SGCZ: variants seen among roughly 807,000 people sequenced by gnomAD.
The protein encoded by SGCZ is sarcoglycan zeta.
A neutral mutation model predicts 41.3 loss-of-function variants in SGCZ; 40 were observed. The ratio of observed to expected loss-of-function variants is 0.97; its 90% CI spans 0.75 to 1.26. The LOEUF (loss-of-function observed/expected upper bound fraction) is 1.26, where lower values mean the gene tolerates loss of function less well. SGCZ is among the 50% of genes most tolerant of loss of function. SGCZ has a pLI of 0.00. For synonymous variants in SGCZ, 206 were observed against 137.5 expected (o/e 1.50, Z -3.49); for missense variants, 552 against 369.8 (o/e 1.49, Z -4.04).
chr8:15,175,530 T>C (rs1799970455), intron 1 of SGCZ, among the ~76,000 whole-genome samples: 2 of 151,984 alleles, frequency 1.3e-5, no homozygotes, highest in South Asian at 4.2e-4. Flanking sequence ...CACTGGGGCC[T>C]GTTGGAGGAT....
In SGCZ at chr8:14,360,710, G is replaced by T. The variant is rs573507483; in HGVS notation, c.235-36506C>A. On this transcript the variant is annotated intron_variant, in intron 2 of 7. Coordinates refer to ENST00000382080, the MANE Select transcript of SGCZ (RefSeq NM_139167.4). The stretch of plus-strand genomic sequence containing the variant: ...AAAAGTTTGCTTAGTCTGTTTAAGG[G>T]CATCTAAATTGTTTCTAGGTTTTAG... Among the ~76,000 whole-genome samples the T allele has an allele frequency of 4.6e-5, 7 of 152,200 alleles. No homozygotes were observed. In the South Asian group the frequency reaches 1.5e-3, roughly 32 times the overall value.
At chr8:15,061,879 C>A (rs974371820) in intron 1 of SGCZ, among the ~76,000 whole-genome samples, 5 of 152,164 alleles carry the variant, frequency 3.3e-5, no homozygotes, top group African/African-American at 1.2e-4. Flanking sequence ...AAAGCCGTAA[C>A]AATGGAAATT....
At chr8:14,832,477 G>T (rs768353755) in intron 1 of SGCZ, among the ~76,000 whole-genome samples, 2 of 151,606 alleles carry the variant, frequency 1.3e-5, no homozygotes, top group African/African-American at 2.4e-5. Flanking sequence ...TTCTACCACC[G>T]TATCTAAGAG....
intron 1 of SGCZ, among the ~76,000 whole-genome samples, chr8:14,837,794 T>C (rs1802752755): frequency 6.6e-6 from 1 of 152,186 alleles, no homozygotes; most frequent in Non-Finnish European, 1.5e-5. Context: ...TTTTGAGTAA[T>C]TATAGACACA....
intron 1 of SGCZ, among the ~76,000 whole-genome samples, chr8:15,055,956 G>C (rs10108640): frequency 0.16 from 24,063 of 152,096 alleles, 2,154 homozygotes; most frequent in Middle Eastern, 0.24. Flanking sequence ...AAACTTAATA[G>C]CAAACTTCAG....
chr8:14,514,799 GTGTGTGTGTGTGTGTATA>G (rs1371362750), intron 2 of SGCZ, among the ~76,000 whole-genome samples: 1 of 88,042 alleles, frequency 1.1e-5, no homozygotes, highest in African/African-American at 3.9e-5. Flanking sequence ...GTGTGTGTGT[GTGTGTGTGTGTGTGTATA>G]TATACACGCA....
intron 1 of SGCZ, among the ~76,000 whole-genome samples, chr8:14,703,454 A>C (rs1445170408): frequency 6.6e-6 from 1 of 151,924 alleles, no homozygotes; most frequent in Admixed American, 6.6e-5. Flanking sequence ...CCCTATCTAG[A>C]GAATCTAGGG....
At chr8:14,617,417 T>G (rs1341088969) in intron 1 of SGCZ, among the ~76,000 whole-genome samples, 1 of 152,214 alleles carries the variant, frequency 6.6e-6, no homozygotes, top group African/African-American at 2.4e-5. Flanking sequence ...CACGTTTCAT[T>G]TATCTGTACT....
intron 5 of SGCZ, among the ~76,000 whole-genome samples, chr8:14,159,175 G>C (rs906225966): frequency 6.6e-6 from 1 of 152,102 alleles, no homozygotes; most frequent in African/African-American, 2.4e-5. Context: ...AAAGCTATAA[G>C]AGACACTTTA....
At chr8:14,105,108 T>G (rs1446314985) in intron 6 of SGCZ, among the ~76,000 whole-genome samples, 1 of 152,090 alleles carries the variant, frequency 6.6e-6, no homozygotes, top group Non-Finnish European at 1.5e-5. Context: ...CTTTGTTAAC[T>G]ATTTAACATG....
chr8:15,036,048 G>A (rs1418341271), intron 1 of SGCZ, among the ~76,000 whole-genome samples: 4 of 151,874 alleles, frequency 2.6e-5, no homozygotes, highest in Admixed American at 2.6e-4. Flanking sequence ...AACAAAGAGA[G>A]TTGCTATGTG....
chr8:14,978,284 A>G (rs1801546659), intron 1 of SGCZ, among the ~76,000 whole-genome samples: 1 of 151,700 alleles, frequency 6.6e-6, no homozygotes, highest in South Asian at 2.1e-4. Context: ...CCTGGCCAAC[A>G]TGGTGAAATC....
At chr8:15,018,880 T>C (rs1250935479) in intron 1 of SGCZ, among the ~76,000 whole-genome samples, 1 of 152,080 alleles carries the variant, frequency 6.6e-6, no homozygotes, top group African/African-American at 2.4e-5. Flanking sequence ...ACAATCATGG[T>C]GGAAGGCGGA....
At chr8:14,985,310 T>C (rs1801794825) in intron 1 of SGCZ, among the ~76,000 whole-genome samples, 1 of 152,120 alleles carries the variant, frequency 6.6e-6, no homozygotes, top group Non-Finnish European at 1.5e-5. Context: ...GGTGACAGCA[T>C]TGGTATACTC....
At chr8:14,800,615 G>C (rs754450181) in intron 1 of SGCZ, among the ~76,000 whole-genome samples, 1 of 152,048 alleles carries the variant, frequency 6.6e-6, no homozygotes, top group Non-Finnish European at 1.5e-5. Flanking sequence ...CTGGTTCTTT[G>C]AAAAGTCTGT....
At position 14,745,644 on chromosome 8, in the gene SGCZ, C is replaced by CAT. The variant is rs1437515028; in HGVS notation, c.40-190719_40-190718insAT. On this transcript the variant is annotated intron_variant, in intron 1 of 7. Coordinates refer to ENST00000382080, the MANE Select transcript of SGCZ (RefSeq NM_139167.4). The stretch of plus-strand genomic sequence containing the variant: ...GTATGTATGTACATATATACACACA[C>CAT]ACATATATATATACACACATACATA... 2.8e-4 allele frequency among the ~76,000 whole-genome samples: 42 copies of CAT among 151,772 alleles called. No individual in the cohort carries two copies. In the East Asian group the frequency reaches 3.1e-3, roughly 11 times the overall value.
At position 14,721,437 on chromosome 8, in the gene SGCZ, T is replaced by C. The variant is rs142119506; in HGVS notation, c.40-166511A>G. 1.0e-3 allele frequency among the ~76,000 whole-genome samples: 156 copies of C among 152,334 alleles called. 4 individuals are homozygous for C. The East Asian group carries it at 0.019, about 19-fold the overall frequency. ...CTGATCCTTCTGTCATCTTCTACCA[T>C]GCCAGTAAAGGCAACTTTGTCCTTC... On this transcript the variant is annotated intron_variant, in intron 1 of 7. Coordinates refer to ENST00000382080, the MANE Select transcript of SGCZ (RefSeq NM_139167.4).
At chr8:14,589,602 G>A (rs1178523125) in intron 1 of SGCZ, among the ~76,000 whole-genome samples, 1 of 152,052 alleles carries the variant, frequency 6.6e-6, no homozygotes, top group African/African-American at 2.4e-5. Flanking sequence ...TTTTAAAATT[G>A]AGGGAGAAGT....
intron 1 of SGCZ, among the ~76,000 whole-genome samples, chr8:15,063,677 C>T (rs1805022062): frequency 1.3e-5 from 2 of 152,090 alleles, no homozygotes; most frequent in Middle Eastern, 3.2e-3. Context: ...TATTTTTACA[C>T]CCATAGTGCT....
Sources: allele counts gnomAD v4.1 joint callset (sites outside exome capture counted in the v4.1 genomes callset), GRCh38; gene constraint gnomAD v4.1.1; transcripts MANE v1.5; gene names NCBI Gene and HGNC (gene_info 2026-07-23, HGNC 2026-07-21).